The following KIAA1614 variants were observed in gnomAD, a reference collection of about 807,000 sequenced individuals.
The protein encoded by KIAA1614 is KIAA1614.
Under a neutral mutation model 88.7 loss-of-function variants are expected in KIAA1614, and 76 were observed. That is an observed-to-expected ratio of 0.86 (90% CI 0.71 to 1.04). The LOEUF (loss-of-function observed/expected upper bound fraction) is 1.04, where lower values mean the gene tolerates loss of function less well. Among genes scored for constraint, KIAA1614 ranks in the 50% least tolerant of loss-of-function variants. The probability of loss-of-function intolerance (pLI) is 0.00; values close to 1 mark genes in which losing one functional copy is unlikely to be tolerated. For synonymous variants in KIAA1614, 714 were observed against 675.5 expected (o/e 1.06, Z -0.88); for missense variants, 1,553 against 1,582.5 (o/e 0.98, Z 0.32).
intron 3 of KIAA1614, chr1:180,928,084 A>T (rs1654108417): frequency 1.6e-5 from 3 of 187,782 alleles, no homozygotes; most frequent in South Asian, 3.5e-4. Context: ...CCTCCCAGAT[A>T]GCTCCTGCTG....
chr1:180,939,522 A>G (rs1654409344), intron 6 of KIAA1614, among the ~76,000 whole-genome samples: 1 of 152,060 alleles, frequency 6.6e-6, no homozygotes. Flanking sequence ...AACCCTCTGC[A>G]AGTCCTTGCC....
chr1:180,917,115 G>A lies in KIAA1614; in HGVS notation c.997+15G>A. 2 of 1,600,280 alleles carry A rather than the reference G, an allele frequency of 1.2e-6. No individual in the cohort carries two copies. Among genetic ancestry groups the A allele is most frequent in the South Asian group, 2.2e-5 (2 of 90,066 alleles). On this transcript the variant is annotated intron_variant, in intron 2 of 8. Coordinates refer to ENST00000367588, the MANE Select transcript of KIAA1614 (RefSeq NM_020950.2). ...AGCTGCACCAGGTGAAGCTCACTGT[G>A]TAGGTCCAGGTGGTGGGGGGAGCAG...
rs532804922 is a variant in KIAA1614, at chr1:180,935,240, G to T, written c.1331G>T (p.Gly444Val). 2 of 1,531,132 alleles carry T rather than the reference G, an allele frequency of 1.3e-6. No homozygotes were observed. Among genetic ancestry groups the T allele is most frequent in the African/African-American group, 2.9e-5 (2 of 69,808 alleles). The allele number at this position is 1,531,132 out of a possible 1,614,324, so 94.8% of individuals were successfully genotyped here. Residue 444 changes from glycine (G) to valine (V), a missense_variant, in exon 5 of 9, where the codon GGC (glycine) becomes GTC (valine). Coordinates refer to ENST00000367588, the MANE Select transcript of KIAA1614 (RefSeq NM_020950.2). The surrounding 1 kb of genome is among the most constrained non-coding windows in gnomAD (Gnocchi z 6.1). ...AGCGGTGGGCACAGGCCGAGGCGGG[G>T]CCCCTCGCCGTCGCACGTGCGCTTT... Reference protein sequence around the residue: ...ESSGGHRPRRGPSPSHVRFED... With the variant: ...ESSGGHRPRRVPSPSHVRFED...
intron 3 of KIAA1614, 157 bp from the exon 4 acceptor site, chr1:180,928,273 G>T (rs2102264185): frequency 2.2e-6 from 2 of 899,878 alleles, no homozygotes; most frequent in East Asian, 5.8e-5. Flanking sequence ...CAGGCCCCCA[G>T]GCTGGGTTCC....
In KIAA1614 at chr1:180,916,242, G is replaced by A. The variant is rs1325538323; in HGVS notation, c.139G>A (p.Gly47Arg). Reference protein sequence around the residue: ...WSGPEPQLDNGHPPRPWPCPQ... With the variant: ...WSGPEPQLDNRHPPRPWPCPQ... ...TGGTCCTGAGCCACAGCTGGATAAC[G>A]GACACCCCCCAAGACCCTGGCCTTG... The change falls in exon 2 of 9, where the codon GGA becomes AGA. Residue 47 changes from glycine (G) to arginine (R), a missense_variant. Coordinates refer to ENST00000367588, the MANE Select transcript of KIAA1614 (RefSeq NM_020950.2). The A allele has an allele frequency of 1.9e-6, 3 of 1,613,266 alleles. No individual in the cohort carries two copies. The highest frequency in any genetic ancestry group is 2.7e-5 in the African/African-American group (2 of 74,910).
intron 3 of KIAA1614, among the ~76,000 whole-genome samples, chr1:180,921,568 C>T (rs1653952481): frequency 6.6e-6 from 1 of 152,194 alleles, no homozygotes. Context: ...TGCAGCACTG[C>T]CACAAGCCAC....
chr1:180,931,851 G>A (rs896545264), intron 4 of KIAA1614, among the ~76,000 whole-genome samples: 1 of 152,154 alleles, frequency 6.6e-6, no homozygotes, highest in African/African-American at 2.4e-5. Context: ...CAGCGGACAG[G>A]GCACTAGCTT....
At chr1:180,939,674 G>A (rs577689872) in intron 6 of KIAA1614, among the ~76,000 whole-genome samples, 2 of 152,200 alleles carry the variant, frequency 1.3e-5, no homozygotes, top group South Asian at 2.1e-4. Flanking sequence ...GTCAAGGGTC[G>A]CTTTTTAAAA....
chr1:180,917,225 C>G, intron 2 of KIAA1614, 125 bp downstream of exon 2: 1 of 719,160 alleles, frequency 1.4e-6, no homozygotes, highest in South Asian at 1.9e-5. Context: ...TGACAGTTGC[C>G]TGTCATCAAA....
Position 180,935,720 on chromosome 1 carries a change from G to T in KIAA1614, c.1811G>T (p.Cys604Phe), listed in dbSNP as rs1558070176. ...GAAACACACATCGGAGACACCGTGT[G>T]CCCTGCGGAGGTGGACTCTGCCCTG... ...IRETHIGDTV[C>F]PAEVDSALDS... The change falls in exon 5 of 9, where the codon TGC becomes TTC. Residue 604 changes from cysteine (C) to phenylalanine (F), a missense_variant. By Grantham distance (205) the Cys-to-Phe change is radical. Coordinates refer to ENST00000367588, the MANE Select transcript of KIAA1614 (RefSeq NM_020950.2). This position sits in a 1 kb window ranked among gnomAD's most constrained non-coding sequence, Gnocchi z 6.1. 4.3e-6 allele frequency: 7 copies of T among 1,613,696 alleles called. No homozygotes were observed. The South Asian group carries it at 7.7e-5, about 18-fold the overall frequency.
chr1:180,940,823 C>T (rs534589932), intron 6 of KIAA1614, among the ~76,000 whole-genome samples: 5 of 152,116 alleles, frequency 3.3e-5, no homozygotes, highest in African/African-American at 7.2e-5. Flanking sequence ...GTGAACCTCC[C>T]GCCTCCATCT....
intron 7 of KIAA1614, among the ~76,000 whole-genome samples, chr1:180,941,989 C>T (rs1230145692): frequency 6.6e-6 from 1 of 152,228 alleles, no homozygotes; most frequent in Non-Finnish European, 1.5e-5. Context: ...CATCCATCTA[C>T]TGCAGGCACA....
intron 4 of KIAA1614, among the ~76,000 whole-genome samples, chr1:180,930,692 C>T: frequency 6.6e-6 from 1 of 152,342 alleles, no homozygotes; most frequent in African/African-American, 2.4e-5. Context: ...CTCCCTTTTG[C>T]AGGCTGTCTC....
At chr1:180,926,320 G>A (rs1021264414) in intron 3 of KIAA1614, among the ~76,000 whole-genome samples, 8 of 152,078 alleles carry the variant, frequency 5.3e-5, no homozygotes, top group African/African-American at 1.9e-4. Flanking sequence ...CAGGGTGCAC[G>A]TTGACCTTGG....
intron 3 of KIAA1614, among the ~76,000 whole-genome samples, chr1:180,925,461 G>A (rs962275101): frequency 2.6e-5 from 4 of 152,220 alleles, no homozygotes; most frequent in African/African-American, 9.6e-5. Flanking sequence ...TACATTCCCA[G>A]TTATTTCCCC....
chr1:180,923,223 T>A (rs1653991978), intron 3 of KIAA1614, among the ~76,000 whole-genome samples: 1 of 152,104 alleles, frequency 6.6e-6, no homozygotes. Flanking sequence ...CCACTGCGAG[T>A]CAGCTCAAAC....
In KIAA1614 at chr1:180,928,051, A is replaced by G. The variant is rs116098988; in HGVS notation, c.1062-379A>G. 1,332 of 170,868 alleles carry G rather than the reference A, an allele frequency of 7.8e-3. 19 individuals carry two copies. The highest frequency in any genetic ancestry group is 0.03 in the African/African-American group (1,252 of 42,102). 10.6% of individuals were successfully genotyped at this position (170,868 alleles called of 1,614,324 possible). A position where few individuals can be genotyped will look rare whatever the true frequency, so the allele number is the denominator to read the frequency against. ...GTCTGGGCACAGGCCCAGCCCAACA[A>G]CCCCGGGCCCTTTCTCCCTCCTCCT... On this transcript the variant is annotated intron_variant, in intron 3 of 8. Transcript: ENST00000367588.
At position 180,935,332 on chromosome 1, in the gene KIAA1614, G is replaced by A; in HGVS notation, c.1423G>A (p.Val475Met). The A allele has an allele frequency of 6.8e-7, 1 of 1,479,280 alleles. No individual in the cohort carries two copies. The highest frequency in any genetic ancestry group is 8.9e-7 in the Non-Finnish European group (1 of 1,118,402). The allele number at this position is 1,479,280 out of a possible 1,614,324, so 91.6% of individuals were successfully genotyped here. ...GCGGCTGCAGCAGCGCCAGCGCCAG[G>A]TGCTGAGCACCGTGTTGCAGGCCGC... ...LERLQQRQRQ[V>M]LSTVLQAADQ... The change falls in exon 5 of 9, where the codon GTG becomes ATG. Residue 475 changes from valine to methionine, a missense_variant. By Grantham distance (21) the Val-to-Met change is conservative (BLOSUM62 1). Coordinates refer to ENST00000367588, the MANE Select transcript of KIAA1614 (RefSeq NM_020950.2). The surrounding 1 kb of genome is among the most constrained non-coding windows in gnomAD (Gnocchi z 6.1).
chr1:180,917,069 C>G lies in KIAA1614; in HGVS notation c.966C>G (p.Ala322=). Residue 322 remains alanine (A), a synonymous_variant, in exon 2 of 9, where the codon GCC becomes GCG. Coordinates refer to ENST00000367588, the MANE Select transcript of KIAA1614 (RefSeq NM_020950.2). ...GCCCCCGCAAGGTGGGAACCCCTGC[C>G]TGGACTCCATCCTGGGACACAGCTG... The part of the protein sequence containing the change: ...GQSPRKVGTP[A]WTPSWDTAAP... 6.2e-7 allele frequency: 1 copy of G among 1,613,460 alleles called. No homozygotes were observed. Among genetic ancestry groups the G allele is most frequent in the Non-Finnish European group, 8.5e-7 (1 of 1,179,974 alleles).
Sources: allele counts gnomAD v4.1 joint callset (sites outside exome capture counted in the v4.1 genomes callset), GRCh38; gene constraint gnomAD v4.1.1; non-coding constraint Gnocchi (gnomAD v3.1); transcripts MANE v1.5; gene names NCBI Gene and HGNC (gene_info 2026-07-23, HGNC 2026-07-21).